Variants in CMTM7 observed in about 807,000 individuals in gnomAD.
The protein encoded by CMTM7 is CKLF like MARVEL transmembrane domain containing 7.
Under a neutral mutation model 19.3 loss-of-function variants are expected in CMTM7, and 7 were observed. The observed-to-expected ratio is 0.36, with a 90% CI of 0.21 to 0.68. The LOEUF (loss-of-function observed/expected upper bound fraction) is 0.68, where lower values mean the gene tolerates loss of function less well. Ranked by LOEUF, CMTM7 falls within the 30% of genes least tolerant of loss-of-function variation. The pLI is 0.60. For missense variants in CMTM7, 193 were observed against 232.6 expected (o/e 0.83, Z 1.11); for synonymous variants, 87 against 99.3 (o/e 0.88, Z 0.74).
intron 1 of CMTM7, among the ~76,000 whole-genome samples, chr3:32,417,422 G>A (rs1196682689): frequency 6.6e-6 from 1 of 152,190 alleles, no homozygotes; most frequent in Admixed American, 6.5e-5. Flanking sequence ...TTCTATTACT[G>A]AGTAGTGTTC....
At chr3:32,411,459 T>C (rs1696174298) in intron 1 of CMTM7, among the ~76,000 whole-genome samples, 1 of 152,372 alleles carries the variant, frequency 6.6e-6, no homozygotes, top group Admixed American at 6.5e-5. Flanking sequence ...AGAATATTTC[T>C]ACACAAGCTA....
In CMTM7 at chr3:32,394,057, C is replaced by T. The variant is rs551662171; in HGVS notation, c.159+1992C>T. ...CCATGCTGAGGAGTCTTACACCTGCCCTGGAGGATTCCCCATCACTGCTGC... is the reference window on the plus strand; with the variant it reads ...CCATGCTGAGGAGTCTTACACCTGCTCTGGAGGATTCCCCATCACTGCTGC... On this transcript the variant is annotated intron_variant, in intron 1 of 4. Transcript: ENST00000334983. 5.0e-4 allele frequency among the ~76,000 whole-genome samples: 76 copies of T among 152,300 alleles called. 1 individual carries two copies. The South Asian group carries it at 0.015, about 30-fold the overall frequency.
chr3:32,441,575 G>A (rs540941976), intron 1 of CMTM7, among the ~76,000 whole-genome samples: 16 of 152,272 alleles, frequency 1.1e-4, no homozygotes, highest in East Asian at 3.9e-4. Flanking sequence ...GGGGCTTCCC[G>A]CTGGCACAAT....
In CMTM7 at chr3:32,455,143, G is replaced by T. The variant is rs143687549; in HGVS notation, c.*889G>T. ...TTGTGTTTACACTATGATGATTAAT[G>T]ATCTCGGCCTAAATGTGCTGTTTCG... On this transcript the variant is annotated 3_prime_UTR_variant, in exon 5 of 5. Coordinates refer to ENST00000334983, the MANE Select transcript of CMTM7 (RefSeq NM_138410.4). 1,334 of 152,470 alleles carry T rather than the reference G, an allele frequency of 8.7e-3. 13 individuals are homozygous for T. The highest frequency in any genetic ancestry group is 0.012 in the Non-Finnish European group (825 of 68,162). The allele number at this position is 152,470 out of a possible 1,614,324, so 9.4% of individuals were successfully genotyped here.
chr3:32,443,274 T>TG (rs1219969664), intron 2 of CMTM7, among the ~76,000 whole-genome samples: 2 of 141,852 alleles, frequency 1.4e-5, no homozygotes, highest in African/African-American at 5.3e-5. Flanking sequence ...AATTTTTGTG[T>TG]TTTTTTTTTT....
chr3:32,425,417 G>T (rs1696415741), intron 1 of CMTM7, among the ~76,000 whole-genome samples: 1 of 151,050 alleles, frequency 6.6e-6, no homozygotes, highest in African/African-American at 2.4e-5. Context: ...ATCCCAGTAA[G>T]ACCCTAGCTG....
intron 1 of CMTM7, among the ~76,000 whole-genome samples, chr3:32,409,846 ATAGTTAG>A (rs1559403229): frequency 1.3e-5 from 2 of 152,224 alleles, no homozygotes; most frequent in South Asian, 2.1e-4. Flanking sequence ...TCTGAAGTTA[ATAGTTAG>A]TAGTTCAAGT....
chr3:32,418,325 G>C (rs1696296583), intron 1 of CMTM7, among the ~76,000 whole-genome samples: 1 of 152,098 alleles, frequency 6.6e-6, no homozygotes, highest in Non-Finnish European at 1.5e-5. Context: ...TCAGAAATGG[G>C]ATTTACAAAA....
At chr3:32,394,062 A>G (rs1001569759) in intron 1 of CMTM7, among the ~76,000 whole-genome samples, 17 of 152,196 alleles carry the variant, frequency 1.1e-4, no homozygotes, top group Admixed American at 9.2e-4. Flanking sequence ...CCTGCCCTGG[A>G]GGATTCCCCA....
At chr3:32,415,539 ACTC>A (rs1466043053) in intron 1 of CMTM7, among the ~76,000 whole-genome samples, 2 of 151,960 alleles carry the variant, frequency 1.3e-5, no homozygotes, top group Non-Finnish European at 1.5e-5. Context: ...CTGGATTCCT[ACTC>A]CTCAGTGAAA....
chr3:32,443,119 G>A lies in CMTM7; in HGVS notation c.333+1106G>A, dbSNP rs554810771. On this transcript the variant is annotated intron_variant, in intron 2 of 4. Transcript: ENST00000334983. ...TTTCATTCCTTTTTTTCTTTTTAGA[G>A]ACAGGGTCTCACTCTGTCACCCAGG... Among the ~76,000 whole-genome samples, 11 of 152,094 alleles carry A rather than the reference G, an allele frequency of 7.2e-5. 1 individual carries two copies. The South Asian group carries it at 2.3e-3, about 32-fold the overall frequency.
intron 1 of CMTM7, among the ~76,000 whole-genome samples, chr3:32,437,642 C>T (rs568839694): frequency 2.6e-5 from 4 of 151,866 alleles, no homozygotes; most frequent in African/African-American, 7.3e-5. Context: ...CCTGTACTCT[C>T]GACACTTTGG....
At chr3:32,448,561 G>A (rs598583) in intron 2 of CMTM7, among the ~76,000 whole-genome samples, 39 of 152,316 alleles carry the variant, frequency 2.6e-4, no homozygotes, top group African/African-American at 8.2e-4. Flanking sequence ...TAATGGGGAA[G>A]AGAAAGGGTG....
rs140278546 is a variant in CMTM7 at position 32,440,901 on chromosome 3, G to A, written c.160-939G>A. Among the ~76,000 whole-genome samples, 1,239 of 152,314 alleles carry A rather than the reference G, an allele frequency of 8.1e-3. 26 individuals are homozygous for A. The highest frequency in any genetic ancestry group is 0.029 in the African/African-American group (1,185 of 41,566). On this transcript the variant is annotated intron_variant, in intron 1 of 4. Transcript: ENST00000334983. ...GACAGGTTTTCTCTTTGGCCTTCAC[G>A]GAAGCTCAGACTGTTACTCATTCTA...
Position 32,449,581 on chromosome 3 carries a change from A to G in CMTM7, c.432+29A>G. On this transcript the variant is annotated intron_variant, in intron 3 of 4. Transcript: ENST00000334983. The surrounding 1 kb of genome is among the most constrained non-coding windows in gnomAD (Gnocchi z 4.5). ...AGGATGTTTTGGGGAGCCTTTAGGA[A>G]TGAATTCTTATTTAAAATGCTCATT... The G allele has an allele frequency of 1.3e-6, 2 of 1,514,894 alleles. No homozygotes were observed. Among genetic ancestry groups the G allele is most frequent in the Non-Finnish European group, 1.8e-6 (2 of 1,089,730 alleles). The allele number at this position is 1,514,894 out of a possible 1,614,324, so 93.8% of individuals were successfully genotyped here.
intron 1 of CMTM7, among the ~76,000 whole-genome samples, chr3:32,404,770 C>G (rs992512299): frequency 6.6e-6 from 1 of 152,206 alleles, no homozygotes; most frequent in Non-Finnish European, 1.5e-5. Context: ...TGACTTGCTT[C>G]TAACCAATGG....
At position 32,454,543 on chromosome 3, in the gene CMTM7, G is replaced by T. The variant is rs543591877; in HGVS notation, c.*289G>T. 1.0e-4 allele frequency: 67 copies of T among 648,762 alleles called. No individual in the cohort carries two copies. The highest frequency in any genetic ancestry group is 4.2e-5 in the Admixed American group (2 of 48,066). 40.2% of individuals were successfully genotyped at this position (648,762 alleles called of 1,614,324 possible). On this transcript the variant is annotated 3_prime_UTR_variant, in exon 5 of 5. Transcript: ENST00000334983. ...CTTCCTGCTTCTAGAACCACCTCAG[G>T]TACTGATGAACCCCACTTAGCACAG...
intron 3 of CMTM7, chr3:32,451,318 G>A (rs931209483): frequency 6.6e-6 from 1 of 152,240 alleles, no homozygotes; most frequent in African/African-American, 2.4e-5. Context: ...CACCAGTGGC[G>A]GTGTAGTGAA....
At chr3:32,441,465 C>G (rs1243674066) in intron 1 of CMTM7, among the ~76,000 whole-genome samples, 1 of 152,196 alleles carries the variant, frequency 6.6e-6, no homozygotes. Context: ...TATGTAAACC[C>G]CAGGTCACCA....
Sources: gnomAD v4.1 joint callset for allele counts (sites outside exome capture counted in the v4.1 genomes callset) on GRCh38, gnomAD v4.1.1 for gene constraint, Gnocchi (gnomAD v3.1) non-coding constraint, MANE v1.5 for transcripts, NCBI Gene and HGNC (gene_info 2026-07-23, HGNC 2026-07-21) for gene names.